NBEAL1: variants seen among roughly 807,000 people sequenced by gnomAD.
NBEAL1 encodes neurobeachin-like protein 1.
In NBEAL1, 273 loss-of-function variants were observed where a neutral mutation model predicts 351.3. The observed-to-expected ratio is 0.78, with a 90% CI of 0.70 to 0.86. The LOEUF is 0.86. Ranked by LOEUF, NBEAL1 falls within the 40% of genes least tolerant of loss-of-function variation. NBEAL1 has a pLI of 0.00. For missense variants in NBEAL1, 2,961 were observed against 3,201.3 expected, an observed-to-expected ratio of 0.92 and a Z score of 1.81; for synonymous variants, 1,050 against 1,086.4, an observed-to-expected ratio of 0.97 and a Z score of 0.66.
chr2:203,069,619 C>G (rs2061648207), intron 7 of NBEAL1, among the ~76,000 whole-genome samples: 1 of 152,130 alleles, frequency 6.6e-6, no homozygotes, highest in South Asian at 2.1e-4. Flanking sequence ...TAATTTATCC[C>G]AAAGTATTGT....
intron 12 of NBEAL1, among the ~76,000 whole-genome samples, chr2:203,100,011 C>T (rs948601536): frequency 6.6e-6 from 1 of 152,112 alleles, no homozygotes; most frequent in African/African-American, 2.4e-5. Flanking sequence ...GTTTTCTATT[C>T]CTGTGTTAGT....
rs1395076383 is a variant in NBEAL1, at chr2:203,077,183, G to A, written c.599-569G>A. 2.0e-5 allele frequency among the ~76,000 whole-genome samples: 3 copies of A among 151,736 alleles called. No individual in the cohort carries two copies. In the East Asian group the frequency reaches 5.8e-4, roughly 29 times the overall value. On this transcript the variant is annotated intron_variant, in intron 7 of 55. Transcript: ENST00000683969. ...TCTCAGCACTTTGGGAGGCTGAGGC[G>A]GGTGGGTCACCTGAGGTCTCTACTA... is the stretch of plus-strand genomic sequence containing the variant.
At chr2:203,211,154 C>T in intron 54 of NBEAL1, 48 bp downstream of exon 54, 1 of 1,292,162 alleles carries the variant, frequency 7.7e-7, no homozygotes. Context: ...AGGGGCAGTA[C>T]TTCTAGTCTA....
At chr2:203,125,873 GTGT>G in intron 20 of NBEAL1, 84 bp from the exon 21 acceptor site, 1 of 1,122,526 alleles carries the variant, frequency 8.9e-7, no homozygotes, top group Non-Finnish European at 1.2e-6. Flanking sequence ...TTTCTACTTT[GTGT>G]AACAGTGTGC....
Position 203,157,711 on chromosome 2 carries a change from C to A in NBEAL1, c.5600C>A (p.Ser1867Ter). The change falls in exon 36 of 56, where the codon TCA (serine) becomes TAA (stop). Residue 1867 changes from serine to a stop codon, truncating the protein, a stop_gained. Transcript: ENST00000683969. LOFTEE classifies it high-confidence loss of function. The stretch of plus-strand genomic sequence containing the variant: ...GTGTTTAAAACAGGTATCCAACACT[C>A]ACAGCCTTCCAGTGATACATTGCTT... Reference protein sequence around the residue: ...ALRDNLGIQHSQPSSDTLLLE... With the variant: ...ALRDNLGIQH The A allele has an allele frequency of 6.3e-7, 1 of 1,590,624 alleles. No individual in the cohort carries two copies. Among genetic ancestry groups the A allele is most frequent in the Non-Finnish European group, 8.5e-7 (1 of 1,171,128 alleles).
At position 203,183,286 on chromosome 2, in the gene NBEAL1, C is replaced by T; in HGVS notation, c.6603C>T (p.Asn2201=). 6.4e-7 allele frequency: 1 copy of T among 1,560,396 alleles called. No individual in the cohort carries two copies. The highest frequency in any genetic ancestry group is 8.7e-7 in the Non-Finnish European group (1 of 1,148,550). The change falls in exon 44 of 56, where the codon AAC becomes AAT. Residue 2201 remains asparagine (N), a synonymous_variant. Transcript: ENST00000683969. ...TCTTTTTACATGTCTTAGAATTTAA[C>T]TTGGGTCGTCTACAGATTTCCAAAG... ...PEFLENQNQF[N]LGRLQISKEL...
chr2:203,111,842 GAACATCAATTTAACATTTACGTTT>G (rs2062579820), intron 15 of NBEAL1, 113 bp from the exon 16 acceptor site: 1 of 989,402 alleles, frequency 1.0e-6, no homozygotes, highest in African/African-American at 1.7e-5. Flanking sequence ...GTTACTTTGA[GAACATCAATTTAACATTTACGTTT>G]AATCTTAACG....
In NBEAL1 at chr2:203,208,721, A is replaced by C; in HGVS notation, c.7591A>C (p.Thr2531Pro). 1 of 1,608,298 alleles carries C rather than the reference A, an allele frequency of 6.2e-7. No homozygotes were observed. Among genetic ancestry groups the C allele is most frequent in the Non-Finnish European group, 8.5e-7 (1 of 1,178,634 alleles). ...TNEVLSVGIS[T>P]ELDMAVSGSR... is the part of the protein sequence containing the mutation. The stretch of plus-strand genomic sequence containing the variant: ...CGAGGTACTGAGTGTCGGCATCAGC[A>C]CTGAGCTAGACATGGCAGTGTCAGG... The change falls in exon 52 of 56, where the codon ACT becomes CCT. Residue 2531 changes from threonine to proline, a missense_variant. Transcript: ENST00000683969.
Position 203,183,311 on chromosome 2 carries a change from G to T in NBEAL1, c.6628G>T (p.Glu2210Ter). 5 of 1,596,890 alleles carry T rather than the reference G, an allele frequency of 3.1e-6. No individual in the cohort carries two copies. Among genetic ancestry groups the T allele is most frequent in the Non-Finnish European group, 4.3e-6 (5 of 1,172,214 alleles). ...FNLGRLQISK[E>*]LVNDVILPKW... ...CTTGGGTCGTCTACAGATTTCCAAA[G>T]AATTAGTAAATGATGTCATTCTCCC... Residue 2210 changes from glutamate (E) to a stop codon, truncating the protein, a stop_gained, in exon 44 of 56, where the codon GAA becomes TAA. Transcript: ENST00000683969. LOFTEE classifies it high-confidence loss of function.
intron 2 of NBEAL1, among the ~76,000 whole-genome samples, chr2:203,032,984 TTTA>T (rs2060975647): frequency 6.6e-6 from 1 of 150,560 alleles, no homozygotes; most frequent in Non-Finnish European, 1.5e-5. Context: ...ACCTTTTTAT[TTTA>T]TTATTATTTT....
intron 43 of NBEAL1, chr2:203,181,440 TTA>T (rs1184552423): frequency 6.6e-6 from 1 of 152,232 alleles, no homozygotes; most frequent in Non-Finnish European, 1.5e-5. Flanking sequence ...ATTTGAAAAT[TTA>T]TGTTATGTTT....
intron 1 of NBEAL1, among the ~76,000 whole-genome samples, chr2:203,015,416 C>A (rs1210327027): frequency 6.6e-6 from 1 of 152,058 alleles, no homozygotes; most frequent in Non-Finnish European, 1.5e-5. Flanking sequence ...ATTCCTCCCC[C>A]GCCCCCACGC....
At chr2:203,152,251 C>A (rs2063675239) in intron 35 of NBEAL1, among the ~76,000 whole-genome samples, 1 of 151,746 alleles carries the variant, frequency 6.6e-6, no homozygotes, top group Admixed American at 6.6e-5. Flanking sequence ...AGCCACCGCA[C>A]CCAGCCATAA....
intron 36 of NBEAL1, among the ~76,000 whole-genome samples, chr2:203,165,165 G>A (rs1194529078): frequency 2.6e-5 from 4 of 151,920 alleles, no homozygotes; most frequent in Middle Eastern, 3.2e-3. Flanking sequence ...CCACCCAGGA[G>A]CTCCTATTTC....
intron 37 of NBEAL1, 136 bp downstream of exon 37, chr2:203,166,433 A>G (rs2064133901): frequency 1.3e-6 from 1 of 767,410 alleles, no homozygotes; most frequent in African/African-American, 1.8e-5. Flanking sequence ...TAAGGGGTCA[A>G]ATTTGTTATT....
intron 34 of NBEAL1, 141 bp from the exon 35 acceptor site, chr2:203,151,324 T>G (rs1424857849): frequency 9.1e-6 from 5 of 546,596 alleles, no homozygotes; most frequent in Non-Finnish European, 1.4e-5. Context: ...AGAATGAGAC[T>G]CTGTCTCTGA....
chr2:203,214,047 A>G (rs1355784395), intron 55 of NBEAL1, among the ~76,000 whole-genome samples: 1 of 152,230 alleles, frequency 6.6e-6, no homozygotes, highest in Non-Finnish European at 1.5e-5. Context: ...TTGTAAAAGC[A>G]TCATTTTTTA....
At chr2:203,122,376 A>G in intron 19 of NBEAL1, 33 bp downstream of exon 19, 1 of 1,266,452 alleles carries the variant, frequency 7.9e-7, no homozygotes. Flanking sequence ...GCAACATCTT[A>G]CATAATTTAC....
In NBEAL1 at chr2:203,099,721, T is replaced by C. The variant is rs1451432524; in HGVS notation, c.1269+9T>C. ...AATCTCCAGCTGCTAAGGTGAAACA[T>C]ATATCCTCCAGCTTTTTTTTTTTTC... On this transcript the variant is annotated intron_variant, in intron 12 of 55. Transcript: ENST00000683969. 2.6e-6 allele frequency: 4 copies of C among 1,520,364 alleles called. No individual in the cohort carries two copies. The highest frequency in any genetic ancestry group is 3.5e-6 in the Non-Finnish European group (4 of 1,131,674). The allele number at this position is 1,520,364 out of a possible 1,614,324, so 94.2% of individuals were successfully genotyped here. A position where few individuals can be genotyped will look rare whatever the true frequency, so the allele number is the denominator to read the frequency against.
Sources: allele counts gnomAD v4.1 joint callset (sites outside exome capture counted in the v4.1 genomes callset), GRCh38; gene constraint gnomAD v4.1.1; transcripts MANE v1.5; gene names NCBI Gene and HGNC (gene_info 2026-07-23, HGNC 2026-07-21).